Variants in UBE2Q1 observed in about 807,000 individuals in gnomAD.
UBE2Q1 encodes ubiquitin-conjugating enzyme E2 Q1.
A neutral mutation model predicts 60.1 loss-of-function variants in UBE2Q1; 6 were observed. The observed-to-expected ratio is 0.10, with a 90% CI of 0.05 to 0.20. UBE2Q1 has a LOEUF of 0.20. Among genes scored for constraint, UBE2Q1 ranks in the 10% least tolerant of loss-of-function variants. The probability of loss-of-function intolerance (pLI) is 1.00; values close to 1 mark genes in which losing one functional copy is unlikely to be tolerated. For synonymous variants in UBE2Q1, 226 were observed against 208.3 expected, an observed-to-expected ratio of 1.09 and a Z score of -0.73; for missense variants, 262 against 525.8, an observed-to-expected ratio of 0.50 and a Z score of 4.91.
Position 154,558,350 on chromosome 1 carries a change from C to T in UBE2Q1, c.204G>A (p.Glu68=), listed in dbSNP as rs368780315. ...RFRIASACLD[E]LSCEFLLAGA... is the part of the protein sequence containing the mutation. ...CAGCCAGCAGGAACTCGCAGCTCAG[C>T]TCGTCCAGGCAGGCGCTGGCAATGC... The change falls in exon 1 of 13, where the codon GAG becomes GAA. Residue 68 remains glutamate, a synonymous_variant. Transcript: ENST00000292211. 1.0e-5 allele frequency: 16 copies of T among 1,564,216 alleles called. No individual in the cohort carries two copies. The South Asian group carries it at 1.2e-4, about 11-fold the overall frequency.
Position 154,550,258 on chromosome 1 carries a change from T to C in UBE2Q1, c.*180A>G, listed in dbSNP as rs763788053. 3.5e-6 allele frequency: 3 copies of C among 852,708 alleles called. No homozygotes were observed. Among genetic ancestry groups the C allele is most frequent in the Non-Finnish European group, 3.8e-6 (2 of 532,288 alleles). The allele number at this position is 852,708 out of a possible 1,614,324, so 52.8% of individuals were successfully genotyped here. On this transcript the variant is annotated 3_prime_UTR_variant, in exon 13 of 13. Transcript: ENST00000292211. ...CAGTCTTGAGTACTTGAAACAGTTC[T>C]GTGTTTGTTTTTTTTCCTTAGCGTT...
chr1:154,553,497 A>G (rs1293133383), intron 4 of UBE2Q1: 2 of 220,586 alleles, frequency 9.1e-6, no homozygotes, highest in Non-Finnish European at 9.1e-6. Flanking sequence ...CTCCCTTGGC[A>G]GCAGAAACTC....
intron 2 of UBE2Q1, 45 bp from the exon 3 acceptor site, chr1:154,555,577 G>A (rs56047170): frequency 0.16 from 244,347 of 1,561,124 alleles, 20,014 homozygotes; most frequent in African/African-American, 0.26. Flanking sequence ...TCCCCACTCC[G>A]ATCTGGATAA....
At chr1:154,554,847 C>T in intron 3 of UBE2Q1, 62 bp from the exon 4 acceptor site, 1 of 1,565,792 alleles carries the variant, frequency 6.4e-7, no homozygotes, top group Non-Finnish European at 8.7e-7. Context: ...ATGCAGCCTC[C>T]AACCTACTCC....
At chr1:154,558,126 G>GC in intron 1 of UBE2Q1, 101 bp downstream of exon 1, 1 of 964,722 alleles carries the variant, frequency 1.0e-6, no homozygotes. Flanking sequence ...CCTGAGAGGG[G>GC]CTTCGGCCTC....
intron 1 of UBE2Q1, 22 bp downstream of exon 1, chr1:154,558,205 G>A (rs778441201): frequency 6.7e-7 from 1 of 1,502,330 alleles, no homozygotes; most frequent in Non-Finnish European, 8.9e-7. Context: ...CCCCACAGAG[G>A]CGCACGCGAG....
In UBE2Q1 at chr1:154,552,725, G is replaced by A; in HGVS notation, c.814+11C>T. On this transcript the variant is annotated intron_variant, in intron 6 of 12. Coordinates refer to ENST00000292211, the MANE Select transcript of UBE2Q1 (RefSeq NM_017582.7). The stretch of plus-strand genomic sequence containing the variant: ...GACTCTTGTGCAGGCCCCTCTCTGG[G>A]GCAAACTCACCGCCTTTGAAACTCT... 1 of 1,613,266 alleles carries A rather than the reference G, an allele frequency of 6.2e-7. No homozygotes were observed.
Position 154,558,603 on chromosome 1 carries a change from G to C in UBE2Q1, c.-50C>G. ...CCGGCGGGCCGGGAGCCTCCGGCCT[G>C]CGCTCCGGGCTCCGCCGCCGCCGCC... On this transcript the variant is annotated 5_prime_UTR_variant, in exon 1 of 13. Coordinates refer to ENST00000292211, the MANE Select transcript of UBE2Q1 (RefSeq NM_017582.7). The C allele has an allele frequency of 1.0e-6, 1 of 994,710 alleles. No homozygotes were observed. Among genetic ancestry groups the C allele is most frequent in the Non-Finnish European group, 1.2e-6 (1 of 847,102 alleles). 61.6% of individuals were successfully genotyped at this position (994,710 alleles called of 1,614,324 possible). A position where few individuals can be genotyped will look rare whatever the true frequency, so the allele number is the denominator to read the frequency against.
At position 154,554,744 on chromosome 1, in the gene UBE2Q1, C is replaced by A; in HGVS notation, c.579G>T (p.Glu193Asp). ...CAGGGGGCAAGCCTACCTCAGGCATCTCCTCATCTTCATCTTCTGAAGACA... is the reference window on the plus strand; with the variant it reads ...CAGGGGGCAAGCCTACCTCAGGCATATCCTCATCTTCATCTTCTGAAGACA... ...EDVSSEDEDE[E>D]MPEDTEDLDH... The change falls in exon 4 of 13, where the codon GAG becomes GAT. Residue 193 changes from glutamate to aspartate, a missense_variant. Around this residue, in one of 5 missense-constraint regions of UBE2Q1, gnomAD observed 111 missense variants for 266.8 expected, o/e 0.42. Transcript: ENST00000292211. 1 of 1,613,514 alleles carries A rather than the reference C, an allele frequency of 6.2e-7. No homozygotes were observed. The highest frequency in any genetic ancestry group is 2.2e-5 in the East Asian group (1 of 44,872).
chr1:154,553,018 T>C lies in UBE2Q1; in HGVS notation c.729+14A>G. ...ACCAACCCCTTCACCAGCCTCTCTCTAGAAGGCACGTACATTTAAGTAATC... is the reference window on the plus strand; with the variant it reads ...ACCAACCCCTTCACCAGCCTCTCTCCAGAAGGCACGTACATTTAAGTAATC... On this transcript the variant is annotated intron_variant, in intron 5 of 12. Coordinates refer to ENST00000292211, the MANE Select transcript of UBE2Q1 (RefSeq NM_017582.7). 1 of 1,613,726 alleles carries C rather than the reference T, an allele frequency of 6.2e-7. No homozygotes were observed.
intron 1 of UBE2Q1, among the ~76,000 whole-genome samples, chr1:154,556,582 G>T (rs1452219576): frequency 6.6e-6 from 1 of 152,212 alleles, no homozygotes; most frequent in Non-Finnish European, 1.5e-5. Context: ...CCAGGCGTGG[G>T]CTGTAGGGCT....
intron 1 of UBE2Q1, among the ~76,000 whole-genome samples, 186 bp from the exon 2 acceptor site, chr1:154,556,150 A>G (rs1269695332): frequency 2.0e-5 from 3 of 151,226 alleles, no homozygotes; most frequent in Non-Finnish European, 4.4e-5. Context: ...TCTAAACTGG[A>G]AGAAAAACAG....
At chr1:154,556,454 TC>T (rs1695889842) in intron 1 of UBE2Q1, among the ~76,000 whole-genome samples, 1 of 152,132 alleles carries the variant, frequency 6.6e-6, no homozygotes, top group South Asian at 2.1e-4. Context: ...CTAGACTGTA[TC>T]TCCAGAACCC....
chr1:154,554,616 T>G, intron 4 of UBE2Q1, 119 bp downstream of exon 4: 1 of 1,059,032 alleles, frequency 9.4e-7, no homozygotes, highest in Admixed American at 2.3e-5. Context: ...TCAGTAAATC[T>G]GTCTTTATTC....
At chr1:154,556,007 C>T (rs1350625073) in intron 1 of UBE2Q1, 43 bp from the exon 2 acceptor site, 1 of 1,577,630 alleles carries the variant, frequency 6.3e-7, no homozygotes, top group South Asian at 1.1e-5. Context: ...ATGGGTGACT[C>T]TGGGAAAAGC....
chr1:154,551,358 T>C (rs1381929995), intron 11 of UBE2Q1, 39 bp downstream of exon 11: 2 of 1,601,786 alleles, frequency 1.2e-6, no homozygotes, highest in Admixed American at 3.3e-5. Flanking sequence ...TGTACTTGGC[T>C]CCACCCAGCC....
In UBE2Q1 at chr1:154,549,540, A is replaced by G. The variant is rs1389885352; in HGVS notation, c.*898T>C. 1.3e-5 allele frequency: 2 copies of G among 152,680 alleles called. No homozygotes were observed. The highest frequency in any genetic ancestry group is 3.8e-4 in the East Asian group (2 of 5,202). The allele number at this position is 152,680 out of a possible 1,614,324, so 9.5% of individuals were successfully genotyped here. A position where few individuals can be genotyped will look rare whatever the true frequency, so the allele number is the denominator to read the frequency against. On this transcript the variant is annotated 3_prime_UTR_variant, in exon 13 of 13. Coordinates refer to ENST00000292211, the MANE Select transcript of UBE2Q1 (RefSeq NM_017582.7). ...GAACCAATGAACAGCGAAGAGTTGC[A>G]GCCACACAGCTGAGATCAGAAAAGA...
chr1:154,555,677 G>A lies in UBE2Q1; in HGVS notation c.433-145C>T, dbSNP rs118168066. On this transcript the variant is annotated intron_variant, in intron 2 of 12. Coordinates refer to ENST00000292211, the MANE Select transcript of UBE2Q1 (RefSeq NM_017582.7). ...ACGTGGCTGTGGGAATGAGTCTCCT[G>A]ATGGACCAATCCCAGGGCCGATGCA... The A allele has an allele frequency of 6.7e-4, 627 of 939,994 alleles. 3 individuals are homozygous for A. The East Asian group carries it at 0.015, about 22-fold the overall frequency. The allele number at this position is 939,994 out of a possible 1,614,324, so 58.2% of individuals were successfully genotyped here. A position where few individuals can be genotyped will look rare whatever the true frequency, so the allele number is the denominator to read the frequency against.
chr1:154,548,845 T>G lies in UBE2Q1; in HGVS notation c.*1593A>C, dbSNP rs904980714. 6.6e-6 allele frequency: 1 copy of G among 152,654 alleles called. No homozygotes were observed. The highest frequency in any genetic ancestry group is 2.1e-4 in the South Asian group (1 of 4,826). The allele number at this position is 152,654 out of a possible 1,614,324, so 9.5% of individuals were successfully genotyped here. A position where few individuals can be genotyped will look rare whatever the true frequency, so the allele number is the denominator to read the frequency against. ...CTAATTAGGTGGGTGTGGGTAGAGT[T>G]AGAGCAGCATTGAGTGGGACTGGTG... On this transcript the variant is annotated 3_prime_UTR_variant, in exon 13 of 13. Transcript: ENST00000292211.
Sources: gnomAD v4.1 joint callset for allele counts (sites outside exome capture counted in the v4.1 genomes callset) on GRCh38, gnomAD v4.1.1 for gene constraint, gnomAD v4.1.1 regional missense constraint, MANE v1.5 for transcripts, NCBI Gene and HGNC (gene_info 2026-07-23, HGNC 2026-07-21) for gene names.